The following AFAP1 variants were observed in gnomAD, a reference collection of about 807,000 sequenced individuals.
AFAP1 encodes actin filament associated protein 1, also known as actin filament-associated protein 1.
Under a neutral mutation model 93.9 loss-of-function variants are expected in AFAP1, and 75 were observed. The observed-to-expected ratio is 0.80, with a 90% CI of 0.66 to 0.97. The LOEUF (loss-of-function observed/expected upper bound fraction) is 0.97, where lower values mean the gene tolerates loss of function less well. Among genes scored for constraint, AFAP1 ranks in the 50% least tolerant of loss-of-function variants. The pLI, the probability that AFAP1 is intolerant of heterozygous loss-of-function variation, is 0.00. For synonymous variants in AFAP1, 517 were observed against 430.7 expected, an observed-to-expected ratio of 1.20 and a Z score of -2.48; for missense variants, 1,201 against 1,050.8, an observed-to-expected ratio of 1.14 and a Z score of -1.98.
At chr4:7,763,835 C>G in intron 17 of AFAP1, 44 bp from the exon 18 acceptor site, 1 of 1,549,066 alleles carries the variant, frequency 6.5e-7, no homozygotes, top group Non-Finnish European at 8.7e-7. Flanking sequence ...GCAAGAGGAT[C>G]AGGCTGGGAC....
chr4:7,834,890 G>A (rs2149099606), intron 6 of AFAP1, among the ~76,000 whole-genome samples: 1 of 151,870 alleles, frequency 6.6e-6, no homozygotes, highest in South Asian at 2.1e-4. Context: ...GGTTACCTGG[G>A]TGGCTCTTGA....
intron 1 of AFAP1, among the ~76,000 whole-genome samples, chr4:7,884,033 C>T (rs1468321980): frequency 1.3e-5 from 2 of 152,044 alleles, no homozygotes; most frequent in South Asian, 4.2e-4. Flanking sequence ...GGGGTGGATC[C>T]CTCATGGCTT....
intron 17 of AFAP1, among the ~76,000 whole-genome samples, chr4:7,765,347 G>A (rs1224249758): frequency 2.0e-5 from 3 of 152,194 alleles, no homozygotes; most frequent in Admixed American, 6.5e-5. Context: ...AGGCTTCAGT[G>A]ATTCCCCACC....
intron 13 of AFAP1, among the ~76,000 whole-genome samples, chr4:7,780,592 C>G (rs909335853): frequency 8.6e-5 from 13 of 151,764 alleles, no homozygotes; most frequent in Admixed American, 8.5e-4. Context: ...GAAGGAGGAT[C>G]ACTTGAGCCC....
chr4:7,882,194 A>C (rs1717889848), intron 1 of AFAP1, among the ~76,000 whole-genome samples: 1 of 150,476 alleles, frequency 6.6e-6, no homozygotes, highest in Non-Finnish European at 1.5e-5. Flanking sequence ...GATACGCTTG[A>C]AACTAGGTTA....
At chr4:7,806,757 T>G (rs1220959559) in intron 9 of AFAP1, among the ~76,000 whole-genome samples, 6 of 152,182 alleles carry the variant, frequency 3.9e-5, no homozygotes, top group Non-Finnish European at 8.8e-5. Context: ...ACAGAGGATG[T>G]TCTGTTAATA....
chr4:7,902,505 A>AT (rs1006260860), intron 1 of AFAP1, among the ~76,000 whole-genome samples: 24 of 151,948 alleles, frequency 1.6e-4, no homozygotes, highest in African/African-American at 5.8e-4. Context: ...TCTAGGTTTG[A>AT]TTTTTTTCCC....
At chr4:7,894,867 G>A (rs907206762) in intron 1 of AFAP1, among the ~76,000 whole-genome samples, 1 of 152,204 alleles carries the variant, frequency 6.6e-6, no homozygotes, top group Non-Finnish European at 1.5e-5. Context: ...ACCACGAGGG[G>A]AAGGAAGGGC....
intron 6 of AFAP1, among the ~76,000 whole-genome samples, chr4:7,825,631 G>C (rs1305763539): frequency 1.3e-5 from 2 of 151,836 alleles, no homozygotes; most frequent in Admixed American, 6.6e-5. Flanking sequence ...GCATGCATAA[G>C]GAAAAAAGGC....
chr4:7,763,881 G>A, intron 17 of AFAP1, 90 bp from the exon 18 acceptor site: 2 of 1,343,234 alleles, frequency 1.5e-6, no homozygotes, highest in African/African-American at 1.5e-5. Flanking sequence ...CTCAGAGGGG[G>A]TGGGTGCTCG....
chr4:7,824,683 G>T (rs1184377655), intron 6 of AFAP1, among the ~76,000 whole-genome samples: 1 of 152,070 alleles, frequency 6.6e-6, no homozygotes, highest in Non-Finnish European at 1.5e-5. Flanking sequence ...TCACTCATGT[G>T]GGTGCTAAAT....
At chr4:7,845,551 G>C (rs73088504) in intron 4 of AFAP1, among the ~76,000 whole-genome samples, 5,778 of 152,176 alleles carry the variant, frequency 0.038, 201 homozygotes, top group African/African-American at 0.084. Context: ...CAGCTCAGAG[G>C]CCACGAGGGA....
chr4:7,934,555 T>C (rs887767717), intron 1 of AFAP1, among the ~76,000 whole-genome samples: 1 of 151,688 alleles, frequency 6.6e-6, no homozygotes, highest in African/African-American at 2.4e-5. Context: ...CCACTACCAC[T>C]GTCTGGGATA....
intron 6 of AFAP1, among the ~76,000 whole-genome samples, chr4:7,819,423 G>C (rs1442514318): frequency 6.6e-6 from 1 of 152,174 alleles, no homozygotes; most frequent in Non-Finnish European, 1.5e-5. Context: ...CTGGCATGGA[G>C]TTTCATTCCA....
chr4:7,884,383 T>C (rs1718026730), intron 1 of AFAP1, among the ~76,000 whole-genome samples: 2 of 152,218 alleles, frequency 1.3e-5, no homozygotes, highest in South Asian at 4.1e-4. Flanking sequence ...AACAAATTGA[T>C]TCTAAATTTC....
chr4:7,895,858 T>TTG (rs1314359757), intron 1 of AFAP1, among the ~76,000 whole-genome samples: 11 of 150,216 alleles, frequency 7.3e-5, no homozygotes, highest in African/African-American at 2.7e-4. Context: ...GAAAGTTTTT[T>TTG]TTTTTTTTTT....
intron 16 of AFAP1, chr4:7,772,180 C>G (rs1270056646): frequency 2.0e-5 from 3 of 152,296 alleles, no homozygotes; most frequent in Admixed American, 2.0e-4. Flanking sequence ...CCCTCACTGG[C>G]TGCCTGTTCT....
intron 1 of AFAP1, among the ~76,000 whole-genome samples, chr4:7,873,646 C>A (rs1289136864): frequency 1.3e-5 from 2 of 152,012 alleles, no homozygotes; most frequent in Non-Finnish European, 2.9e-5. Context: ...CCACACCCGA[C>A]CAACACACAC....
At position 7,939,847 on chromosome 4, in the gene AFAP1, G is replaced by A. The variant is rs909195133; in HGVS notation, c.-194C>T. On this transcript the variant is annotated 5_prime_UTR_variant, in exon 1 of 18. Transcript: ENST00000420658. The surrounding 1 kb of genome is among the most constrained non-coding windows in gnomAD (Gnocchi z 5.6). Reference sequence around the variant, plus strand: ...GCGGAGCTGCAGCCGGCGTGGGGCTGCGGCCGGGACAGACACCACGCAGGC... The same window carrying A: ...GCGGAGCTGCAGCCGGCGTGGGGCTACGGCCGGGACAGACACCACGCAGGC... The A allele has an allele frequency of 1.5e-5, 4 of 274,540 alleles. No individual in the cohort carries two copies. Among genetic ancestry groups the A allele is most frequent in the African/African-American group, 4.7e-5 (2 of 42,308 alleles). 17.0% of individuals were successfully genotyped at this position (274,540 alleles called of 1,614,324 possible).
Sources: allele counts gnomAD v4.1 joint callset (sites outside exome capture counted in the v4.1 genomes callset), GRCh38; gene constraint gnomAD v4.1.1; non-coding constraint Gnocchi (gnomAD v3.1); transcripts MANE v1.5; gene names NCBI Gene and HGNC (gene_info 2026-07-23, HGNC 2026-07-21).